JMJD1C: variants seen among roughly 807,000 people sequenced by gnomAD.
JMJD1C encodes jumonji domain containing 1C.
A neutral mutation model predicts 245.3 loss-of-function variants in JMJD1C; 31 were observed. That is an observed-to-expected ratio of 0.13 (90% CI 0.09 to 0.17). The LOEUF is 0.17. JMJD1C is among the 10% of genes least tolerant of loss of function. The pLI is 1.00. For synonymous variants in JMJD1C, 1,057 were observed against 1,017.4 expected (o/e 1.04, Z -0.74); for missense variants, 2,691 against 3,000.2 (o/e 0.90, Z 2.41).
At chr10:63,204,876 CTCAT>C in intron 10 of JMJD1C, 1 of 985,366 alleles carries the variant, frequency 1.0e-6, no homozygotes, top group Non-Finnish European at 1.2e-6. Flanking sequence ...GTGGGAAAAC[CTCAT>C]TCAGTTAAAA....
intron 3 of JMJD1C, among the ~76,000 whole-genome samples, chr10:63,254,190 AAAAC>A (rs781122320): frequency 2.7e-4 from 41 of 152,210 alleles, no homozygotes; most frequent in African/African-American, 6.5e-4. Context: ...CACAACCAAA[AAAAC>A]AAACAAACAA....
intron 4 of JMJD1C, among the ~76,000 whole-genome samples, chr10:63,218,387 G>C (rs1313055978): frequency 2.0e-5 from 3 of 152,038 alleles, no homozygotes; most frequent in Non-Finnish European, 4.4e-5. Flanking sequence ...CTAGAGAAAA[G>C]TGAAGATGTT....
At chr10:63,355,377 T>C (rs1285272113) in intron 2 of JMJD1C, among the ~76,000 whole-genome samples, 2 of 152,214 alleles carry the variant, frequency 1.3e-5, no homozygotes, top group Non-Finnish European at 2.9e-5. Context: ...TACTCATTTG[T>C]GTGCATATGT....
At position 63,273,970 on chromosome 10, in the gene JMJD1C, T is replaced by G. The variant is rs777913382; in HGVS notation, c.334-9206A>C. Among the ~76,000 whole-genome samples the G allele has an allele frequency of 9.2e-5, 14 of 152,150 alleles. 1 individual carries two copies. The highest frequency in any genetic ancestry group is 1.6e-4 in the Non-Finnish European group (11 of 68,044). On this transcript the variant is annotated intron_variant, in intron 2 of 25. Coordinates refer to ENST00000399262, the MANE Select transcript of JMJD1C (RefSeq NM_032776.3). ...TCTTGGGCCATGAAAAGAATACATC[T>G]CTCATCTTTATACACGTGGAAGCCT...
intron 1 of JMJD1C, among the ~76,000 whole-genome samples, chr10:63,434,155 A>G (rs1367370216): frequency 6.6e-6 from 1 of 152,184 alleles, no homozygotes; most frequent in African/African-American, 2.4e-5. Flanking sequence ...GGTACCCAAC[A>G]TGTACATTTT....
chr10:63,428,101 T>C lies in JMJD1C; in HGVS notation c.168+37394A>G, dbSNP rs556015034. Among the ~76,000 whole-genome samples, 6 of 152,248 alleles carry C rather than the reference T, an allele frequency of 3.9e-5. No individual in the cohort carries two copies. The South Asian group carries it at 1.0e-3, about 26-fold the overall frequency. On this transcript the variant is annotated intron_variant, in intron 1 of 25. Coordinates refer to ENST00000399262, the MANE Select transcript of JMJD1C (RefSeq NM_032776.3). Reference sequence around the variant, plus strand: ...TATTAAGACAGCTGATCAATTACTTTACCAAACATCATAGATTTTATGAAG... The same window carrying C: ...TATTAAGACAGCTGATCAATTACTTCACCAAACATCATAGATTTTATGAAG...
chr10:63,247,102 C>CAAAAAAAAAAAAAAA (rs200646094), intron 3 of JMJD1C, among the ~76,000 whole-genome samples: 2 of 60,958 alleles, frequency 3.3e-5, no homozygotes, highest in Non-Finnish European at 4.8e-5. Flanking sequence ...TAAACTGAGA[C>CAAAAAAAAAAAAAAA]AAAAAAAACA....
intron 1 of JMJD1C, among the ~76,000 whole-genome samples, chr10:63,436,127 G>C (rs1951046859): frequency 6.6e-6 from 1 of 152,208 alleles, no homozygotes; most frequent in Admixed American, 6.5e-5. Flanking sequence ...CACAGGCCTT[G>C]AGAGATTATA....
intron 1 of JMJD1C, among the ~76,000 whole-genome samples, chr10:63,475,910 A>T (rs1953646188): frequency 6.6e-6 from 1 of 152,170 alleles, no homozygotes; most frequent in South Asian, 2.1e-4. Flanking sequence ...GTGATAATAG[A>T]TTTAAAGTTG....
intron 3 of JMJD1C, among the ~76,000 whole-genome samples, chr10:63,237,015 A>G (rs139995374): frequency 6.6e-6 from 1 of 152,156 alleles, no homozygotes; most frequent in Non-Finnish European, 1.5e-5. Context: ...ATTGATTCAT[A>G]CAGAACAAAC....
intron 22 of JMJD1C, among the ~76,000 whole-genome samples, chr10:63,181,532 G>T (rs1214458484): frequency 1.3e-5 from 2 of 152,162 alleles, no homozygotes; most frequent in Non-Finnish European, 2.9e-5. Flanking sequence ...TTTTCAATGT[G>T]TTTGAAACAT....
At chr10:63,446,440 G>A (rs1414465740) in intron 1 of JMJD1C, among the ~76,000 whole-genome samples, 3 of 152,146 alleles carry the variant, frequency 2.0e-5, no homozygotes, top group Non-Finnish European at 4.4e-5. Context: ...AGATTTAGGG[G>A]AGAGATCCAA....
intron 1 of JMJD1C, among the ~76,000 whole-genome samples, chr10:63,421,959 A>G (rs750415882): frequency 6.6e-5 from 10 of 152,192 alleles, no homozygotes; most frequent in Non-Finnish European, 1.5e-4. Flanking sequence ...CCTGTCTATG[A>G]TATTTTGCTA....
intron 22 of JMJD1C, 31 bp from the exon 23 acceptor site, chr10:63,177,887 C>T (rs758874713): frequency 1.8e-5 from 29 of 1,605,960 alleles, no homozygotes; most frequent in Middle Eastern, 1.8e-4. Context: ...TTCAAATTGT[C>T]GGCAAAGAAT....
At chr10:63,253,777 T>C (rs1339872813) in intron 3 of JMJD1C, among the ~76,000 whole-genome samples, 1 of 152,178 alleles carries the variant, frequency 6.6e-6, no homozygotes, top group Non-Finnish European at 1.5e-5. Context: ...TTTCTATTCA[T>C]CCTGATGTAA....
Position 63,189,387 on chromosome 10 carries a change from A to G in JMJD1C, c.6351T>C (p.Val2117=), listed in dbSNP as rs1844490748. 3 of 1,613,674 alleles carry G rather than the reference A, an allele frequency of 1.9e-6. No individual in the cohort carries two copies. Among genetic ancestry groups the G allele is most frequent in the African/African-American group, 2.7e-5 (2 of 74,896 alleles). Residue 2117 remains valine (V), a synonymous_variant, in exon 18 of 26, where the codon GTT becomes GTC. Coordinates refer to ENST00000399262, the MANE Select transcript of JMJD1C (RefSeq NM_032776.3). ...TTTTACTTGGTGGAATTTTGTTTTC[A>G]ACAACTGAAGCAATTATGTCATCAA... is the stretch of plus-strand genomic sequence containing the variant. ...NILDDIIASV[V]ENKIPPSKTS...
At chr10:63,484,141 T>G (rs1953908930) in intron 1 of JMJD1C, among the ~76,000 whole-genome samples, 1 of 151,874 alleles carries the variant, frequency 6.6e-6, no homozygotes, top group Admixed American at 6.6e-5. Context: ...AGTGTTTATA[T>G]TCACTAGCTG....
At chr10:63,307,224 C>T (rs1938382920) in intron 2 of JMJD1C, among the ~76,000 whole-genome samples, 1 of 151,748 alleles carries the variant, frequency 6.6e-6, no homozygotes, top group African/African-American at 2.4e-5. Flanking sequence ...AGAATGAATG[C>T]TGAGATTTAC....
intron 3 of JMJD1C, among the ~76,000 whole-genome samples, chr10:63,263,456 CATTTT>C (rs956327544): frequency 6.6e-5 from 10 of 152,112 alleles, no homozygotes; most frequent in Non-Finnish European, 1.5e-4. Context: ...AATAGCTCTA[CATTTT>C]ATTTTTGAAA....
Sources: gnomAD v4.1 joint callset for allele counts (sites outside exome capture counted in the v4.1 genomes callset) on GRCh38, gnomAD v4.1.1 for gene constraint, MANE v1.5 for transcripts, NCBI Gene and HGNC (gene_info 2026-07-23, HGNC 2026-07-21) for gene names.